ADAP1: variants seen among roughly 807,000 people sequenced by gnomAD.
ADAP1 encodes arf-GAP with dual PH domain-containing protein 1.
In ADAP1, 31 loss-of-function variants were observed where a neutral mutation model predicts 54.9. The observed-to-expected ratio is 0.56, with a 90% CI of 0.42 to 0.76. The LOEUF is 0.76. ADAP1 is among the 30% of genes least tolerant of loss of function. The pLI is 0.00. For missense variants in ADAP1, 535 were observed against 512.4 expected, an observed-to-expected ratio of 1.04 and a Z score of -0.42; for synonymous variants, 313 against 202.6, an observed-to-expected ratio of 1.55 and a Z score of -4.63.
rs1456354340 is a variant in ADAP1, at chr7:946,352, C to A, written c.82+8044G>T. On this transcript the variant is annotated intron_variant, in intron 1 of 10. Coordinates refer to ENST00000265846, the MANE Select transcript of ADAP1 (RefSeq NM_006869.4). The surrounding 1 kb of genome is among the most constrained non-coding windows in gnomAD (Gnocchi z 4.3). ...CTCTGCCCAGGCCCCAGGCCCCCAC[C>A]CCCTCACGCTCACGGGCGGCCCTGG... 6.6e-6 allele frequency among the ~76,000 whole-genome samples: 1 copy of A among 152,168 alleles called. No homozygotes were observed. Among genetic ancestry groups the A allele is most frequent in the Non-Finnish European group, 1.5e-5 (1 of 68,016 alleles).
intron 1 of ADAP1, 116 bp from the exon 2 acceptor site, chr7:935,621 A>AC: frequency 7.6e-7 from 1 of 1,308,428 alleles, no homozygotes; most frequent in Non-Finnish European, 1.0e-6. Flanking sequence ...TTCAGCGGAG[A>AC]CCCCCGGGTA....
chr7:955,353 A>C, upstream of ADAP1: 1 of 1,550,142 alleles, frequency 6.5e-7, no homozygotes. Context: ...AATTCTTTCC[A>C]TTTTCTTCTT....
chr7:898,869 C>T lies in ADAP1; in HGVS notation c.*52G>A. The T allele has an allele frequency of 1.3e-6, 2 of 1,564,402 alleles. No individual in the cohort carries two copies. The highest frequency in any genetic ancestry group is 1.2e-5 in the South Asian group (1 of 85,462). On this transcript the variant is annotated 3_prime_UTR_variant, in exon 11 of 11. Transcript: ENST00000265846. ...CCAGAGCCCCCCCATCCACGGGTCC[C>T]CTCCGTCCAGCCACAGTGAGTCCAA...
At chr7:906,754 ATGGAC>A (rs1845452520) in intron 4 of ADAP1, among the ~76,000 whole-genome samples, 1 of 22,814 alleles carries the variant, frequency 4.4e-5, no homozygotes, top group African/African-American at 1.8e-4. Flanking sequence ...CATAGGGGAC[ATGGAC>A]AGGGGACATG....
At chr7:903,428 C>T (rs189490000) in intron 6 of ADAP1, among the ~76,000 whole-genome samples, 4 of 152,238 alleles carry the variant, frequency 2.6e-5, no homozygotes, top group South Asian at 2.1e-4. Context: ...CAATTCCCAA[C>T]GGGGGTTAGG....
At chr7:951,572 CTTAAAAAA>C (rs1361611348) in intron 1 of ADAP1, among the ~76,000 whole-genome samples, 1 of 148,768 alleles carries the variant, frequency 6.7e-6, no homozygotes, top group Non-Finnish European at 1.5e-5. Context: ...GAGAGACTGT[CTTAAAAAA>C]AAAAATTAGC....
chr7:934,958 G>A (rs1010641218), intron 2 of ADAP1, among the ~76,000 whole-genome samples: 3 of 152,226 alleles, frequency 2.0e-5, no homozygotes, highest in African/African-American at 4.8e-5. Context: ...GTGGACTGCC[G>A]TGTAAATGCG....
At chr7:899,368 A>T (rs775836182) in intron 9 of ADAP1, 51 bp downstream of exon 9, 14 of 1,608,574 alleles carry the variant, frequency 8.7e-6, no homozygotes, top group Admixed American at 1.7e-5. Flanking sequence ...GCATCTGGCA[A>T]CCCCAGCCAG....
intron 5 of ADAP1, among the ~76,000 whole-genome samples, chr7:904,847 T>C (rs1845018693): frequency 6.6e-6 from 1 of 152,176 alleles, no homozygotes. Flanking sequence ...CCGCCCAGGC[T>C]CCTGGAAAGC....
chr7:931,185 C>T lies in ADAP1; in HGVS notation c.213+4190G>A, dbSNP rs193043408. Among the ~76,000 whole-genome samples the T allele has an allele frequency of 1.9e-3, 283 of 152,170 alleles. 1 individual carries two copies. The highest frequency in any genetic ancestry group is 6.6e-3 in the African/African-American group (276 of 41,516). On this transcript the variant is annotated intron_variant, in intron 2 of 10. Transcript: ENST00000265846. ...AGGGAGGGAGCGAGGCCCACACAGA[C>T]CCCTGGCTGCCTGGCCAGGGTGGGG...
intron 3 of ADAP1, among the ~76,000 whole-genome samples, chr7:925,662 C>G (rs532913934): frequency 6.6e-6 from 1 of 152,396 alleles, no homozygotes; most frequent in Admixed American, 6.5e-5. Context: ...CAGGCTGTCT[C>G]AGCCCCCGAG....
intron 2 of ADAP1, among the ~76,000 whole-genome samples, chr7:934,711 G>A (rs1373032330): frequency 6.6e-6 from 1 of 152,134 alleles, no homozygotes; most frequent in Non-Finnish European, 1.5e-5. Context: ...TCCAGCATGC[G>A]TGGCCCCTCC....
chr7:919,529 G>A (rs1173014982), intron 4 of ADAP1, among the ~76,000 whole-genome samples: 1 of 146,432 alleles, frequency 6.8e-6, no homozygotes, highest in Non-Finnish European at 1.5e-5. Context: ...CGAGAGGGAG[G>A]GAGGGAAGGA....
At chr7:943,767 G>A (rs1169113203) in intron 1 of ADAP1, among the ~76,000 whole-genome samples, 1 of 56,006 alleles carries the variant, frequency 1.8e-5, no homozygotes, top group African/African-American at 9.7e-5. Context: ...AGAGGAGGAC[G>A]AAGGGAGAGA....
At position 904,261 on chromosome 7, in the gene ADAP1, G is replaced by T; in HGVS notation, c.513C>A (p.Pro171=). ...GGTGCTCGATCTTCATCACGGCCTTGGGCTCCTTGGCCTGAGAAGGGGTGG... is the reference window on the plus strand; with the variant it reads ...GGTGCTCGATCTTCATCACGGCCTTTGGCTCCTTGGCCTGAGAAGGGGTGG... ...KYFNRNDAKE[P]KAVMKIEHLN... The change falls in exon 6 of 11, where the codon CCC becomes CCA. Residue 171 remains proline (P), a synonymous_variant. Coordinates refer to ENST00000265846, the MANE Select transcript of ADAP1 (RefSeq NM_006869.4). 6.3e-7 allele frequency: 1 copy of T among 1,596,926 alleles called. No homozygotes were observed. The highest frequency in any genetic ancestry group is 1.1e-5 in the South Asian group (1 of 88,716).
chr7:909,857 G>T (rs1176150594), intron 4 of ADAP1, among the ~76,000 whole-genome samples: 1 of 145,104 alleles, frequency 6.9e-6, no homozygotes, highest in East Asian at 1.9e-4. Flanking sequence ...ATGGTGTGGG[G>T]TGGGGGGGGT....
chr7:930,516 ATTTT>A (rs199686411), intron 2 of ADAP1, among the ~76,000 whole-genome samples: 1 of 144,730 alleles, frequency 6.9e-6, no homozygotes, highest in Non-Finnish European at 1.5e-5. Context: ...TCACTACAAA[ATTTT>A]TTTTTTTAAT....
chr7:917,350 C>T (rs1359244115), intron 4 of ADAP1, among the ~76,000 whole-genome samples: 4 of 143,252 alleles, frequency 2.8e-5, no homozygotes, highest in East Asian at 4.0e-4. Flanking sequence ...GGGAGGGGGG[C>T]GCAGTGCCAG....
intron 2 of ADAP1, among the ~76,000 whole-genome samples, chr7:927,812 GA>G: frequency 6.6e-6 from 1 of 152,244 alleles, no homozygotes; most frequent in Admixed American, 6.5e-5. Context: ...CAGGGAGGTA[GA>G]AAAATGTCTC....
Sources: gnomAD v4.1 joint callset for allele counts (sites outside exome capture counted in the v4.1 genomes callset) on GRCh38, gnomAD v4.1.1 for gene constraint, Gnocchi (gnomAD v3.1) non-coding constraint, MANE v1.5 for transcripts, NCBI Gene and HGNC (gene_info 2026-07-23, HGNC 2026-07-21) for gene names.